The following GRM7 variants were observed in gnomAD, a reference collection of about 807,000 sequenced individuals.
GRM7 encodes glutamate metabotropic receptor 7.
A neutral mutation model predicts 84.5 loss-of-function variants in GRM7; 35 were observed. The observed-to-expected ratio is 0.41, with a 90% CI of 0.32 to 0.55. The LOEUF (loss-of-function observed/expected upper bound fraction) is 0.55. Among genes scored for constraint, GRM7 ranks in the 20% least tolerant of loss-of-function variants. GRM7 has a pLI of 0.19. For synonymous variants in GRM7, 487 were observed against 455.1 expected, an observed-to-expected ratio of 1.07 and a Z score of -0.89; for missense variants, 1,003 against 1,194.6, an observed-to-expected ratio of 0.84 and a Z score of 2.36.
At chr3:7,291,486 C>T (rs1335149690) in intron 2 of GRM7, among the ~76,000 whole-genome samples, 5 of 132,918 alleles carry the variant, frequency 3.8e-5, no homozygotes, top group Admixed American at 1.6e-4. Context: ...AAAAGTCATG[C>T]CAGCTCTCTC....
At chr3:7,391,132 C>T (rs1694977798) in intron 4 of GRM7, among the ~76,000 whole-genome samples, 6 of 151,892 alleles carry the variant, frequency 4.0e-5, no homozygotes, top group Admixed American at 3.9e-4. Context: ...GGTGCCAAGA[C>T]TCTGTACAGG....
intron 1 of GRM7, among the ~76,000 whole-genome samples, chr3:7,063,936 A>G (rs999040546): frequency 6.6e-6 from 1 of 151,730 alleles, no homozygotes; most frequent in Non-Finnish European, 1.5e-5. Context: ...GCTTAACACA[A>G]TGAAAATTTA....
At chr3:7,008,952 A>C (rs1695276498) in intron 1 of GRM7, among the ~76,000 whole-genome samples, 1 of 152,216 alleles carries the variant, frequency 6.6e-6, no homozygotes, top group Non-Finnish European at 1.5e-5. Flanking sequence ...ACTATCTCAT[A>C]AAATGTATGT....
intron 8 of GRM7, among the ~76,000 whole-genome samples, chr3:7,640,893 G>T (rs1179134615): frequency 6.6e-6 from 1 of 152,098 alleles, no homozygotes; most frequent in Non-Finnish European, 1.5e-5. Context: ...CCATGACAAT[G>T]ACTAACCACT....
At chr3:7,282,826 G>A (rs1699301235) in intron 2 of GRM7, among the ~76,000 whole-genome samples, 1 of 152,148 alleles carries the variant, frequency 6.6e-6, no homozygotes, top group South Asian at 2.1e-4. Flanking sequence ...TTAGATTGCA[G>A]TACCCTTTTA....
At chr3:7,134,416 AATC>A (rs1201668124) in intron 1 of GRM7, among the ~76,000 whole-genome samples, 9 of 143,228 alleles carry the variant, frequency 6.3e-5, no homozygotes, top group Admixed American at 4.8e-4. Flanking sequence ...CGCCTGGCAA[AATC>A]ATCATCATCG....
intron 1 of GRM7, among the ~76,000 whole-genome samples, chr3:7,134,461 TAACC>T (rs1693707833): frequency 6.6e-6 from 1 of 151,026 alleles, no homozygotes. Context: ...TCATCATCAG[TAACC>T]ATAGACTTAT....
At chr3:7,020,093 C>T (rs572678297) in intron 1 of GRM7, among the ~76,000 whole-genome samples, 12 of 152,224 alleles carry the variant, frequency 7.9e-5, no homozygotes, top group Non-Finnish European at 1.5e-4. Context: ...GTGATTTGCC[C>T]GCCTCAGCAT....
intron 1 of GRM7, among the ~76,000 whole-genome samples, chr3:6,934,793 T>G (rs1336115759): frequency 6.6e-6 from 1 of 152,110 alleles, no homozygotes; most frequent in Non-Finnish European, 1.5e-5. Flanking sequence ...AAGTTTGGAT[T>G]GGTAGGGGAA....
intron 8 of GRM7, among the ~76,000 whole-genome samples, chr3:7,624,893 A>G (rs1575567812): frequency 6.6e-6 from 1 of 152,182 alleles, no homozygotes; most frequent in East Asian, 1.9e-4. Context: ...CTGTTTACAC[A>G]TATCAAGCCT....
At chr3:7,696,678 GTGTCT>G (rs1701032589) in intron 9 of GRM7, among the ~76,000 whole-genome samples, 1 of 152,158 alleles carries the variant, frequency 6.6e-6, no homozygotes, top group African/African-American at 2.4e-5. Context: ...TCAAATTGAC[GTGTCT>G]TATTTTTTTC....
At chr3:7,148,168 C>T (rs1002011816) in intron 2 of GRM7, among the ~76,000 whole-genome samples, 1 of 151,986 alleles carries the variant, frequency 6.6e-6, no homozygotes, top group Non-Finnish European at 1.5e-5. Flanking sequence ...TTCATAAATC[C>T]CCAAAGAGGT....
At chr3:7,195,942 T>C (rs1362374810) in intron 2 of GRM7, among the ~76,000 whole-genome samples, 1 of 152,186 alleles carries the variant, frequency 6.6e-6, no homozygotes, top group African/African-American at 2.4e-5. Context: ...CGATAGGATG[T>C]GTGGATATAA....
chr3:7,066,433 A>G (rs1166897383), intron 1 of GRM7, among the ~76,000 whole-genome samples: 4 of 151,964 alleles, frequency 2.6e-5, no homozygotes, highest in African/African-American at 9.7e-5. Flanking sequence ...GAGGAGATGG[A>G]TGAATTCCTG....
chr3:7,298,562 C>T (rs1283549364), intron 2 of GRM7, 122 bp from the exon 3 acceptor site: 1 of 767,644 alleles, frequency 1.3e-6, no homozygotes, highest in Non-Finnish European at 2.2e-6. Context: ...CCTCGCTTAG[C>T]AACAGCATCA....
rs537883237 is a variant in GRM7, at chr3:7,237,599, G to A, written c.737-61085G>A. ...TTCCTTCTGGTGGGTTCGTGGTCTC[G>A]CTGGCTTCAGGAGTGAAGCCGCAGA... On this transcript the variant is annotated intron_variant, in intron 2 of 9. Coordinates refer to ENST00000357716, the MANE Select transcript of GRM7 (RefSeq NM_000844.4). Among the ~76,000 whole-genome samples the A allele has an allele frequency of 2.6e-3, 394 of 152,196 alleles. 9 individuals are homozygous for A. Among genetic ancestry groups the A allele is most frequent in the Non-Finnish European group, 8.8e-4 (60 of 68,008 alleles).
intron 8 of GRM7, among the ~76,000 whole-genome samples, chr3:7,602,344 T>C (rs1282054564): frequency 6.6e-6 from 1 of 152,150 alleles, no homozygotes; most frequent in East Asian, 1.9e-4. Context: ...GGCTGTAGAA[T>C]GAACACCAAA....
intron 1 of GRM7, among the ~76,000 whole-genome samples, chr3:7,015,234 G>T (rs902302384): frequency 6.6e-6 from 1 of 151,442 alleles, no homozygotes; most frequent in African/African-American, 2.4e-5. Flanking sequence ...TCACTCTTTG[G>T]GTCCCTGCCA....
At chr3:7,173,520 T>C (rs936827259) in intron 2 of GRM7, among the ~76,000 whole-genome samples, 2 of 152,234 alleles carry the variant, frequency 1.3e-5, no homozygotes, top group Admixed American at 1.3e-4. Flanking sequence ...TGAATATTTC[T>C]GCAAGCTTCT....
Sources: gnomAD v4.1 joint callset for allele counts (sites outside exome capture counted in the v4.1 genomes callset) on GRCh38, gnomAD v4.1.1 for gene constraint, MANE v1.5 for transcripts, NCBI Gene and HGNC (gene_info 2026-07-23, HGNC 2026-07-21) for gene names.